Variants in MGA observed in about 807,000 individuals in gnomAD.
MGA encodes the protein MAX gene-associated protein.
In MGA, 40 loss-of-function variants were observed where a neutral mutation model predicts 261.1. That is an observed-to-expected ratio of 0.15 (90% CI 0.12 to 0.20). MGA has a LOEUF of 0.20. Ranked by LOEUF, MGA falls within the 10% of genes least tolerant of loss-of-function variation. The probability of loss-of-function intolerance (pLI) is 1.00; values close to 1 mark genes in which losing one functional copy is unlikely to be tolerated. For missense variants in MGA, 3,397 were observed against 3,630.5 expected (o/e 0.94, Z 1.65); for synonymous variants, 1,302 against 1,290.6 (o/e 1.01, Z -0.19).
rs182182526 is a variant in MGA at position 41,735,616 on chromosome 15, A to G, written c.3917-565A>G. 4.5e-4 allele frequency among the ~76,000 whole-genome samples: 68 copies of G among 152,228 alleles called. 1 individual carries two copies. The highest frequency in any genetic ancestry group is 3.9e-4 in the Admixed American group (6 of 15,290). Reference sequence around the variant, plus strand: ...ACTGGGCGTGGTGGCACGCGTCCATAATCTCAGCTACTCGGGAGGCTGAGG... The same window carrying G: ...ACTGGGCGTGGTGGCACGCGTCCATGATCTCAGCTACTCGGGAGGCTGAGG... On this transcript the variant is annotated intron_variant, in intron 12 of 23. Coordinates refer to ENST00000219905, the MANE Select transcript of MGA (RefSeq NM_001164273.2).
intron 2 of MGA, chr15:41,684,705 G>A (rs2058856081): frequency 5.8e-6 from 1 of 173,532 alleles, no homozygotes; most frequent in Non-Finnish European, 1.2e-5. Context: ...TGAGAGTTAT[G>A]TCTTGAAATG....
rs1007592948 is a variant in MGA at position 41,742,965 on chromosome 15, C to T, written c.5005C>T (p.Pro1669Ser). 1.9e-6 allele frequency: 3 copies of T among 1,613,866 alleles called. No individual in the cohort carries two copies. The highest frequency in any genetic ancestry group is 1.3e-5 in the African/African-American group (1 of 74,932). ...TACCAAAACCACTGGGATAACTACC[C>T]CTGTGGCTTCAGTTGCTTTTCCTAA... Residue 1669 changes from proline to serine, a missense_variant, in exon 15 of 24, where the codon CCT becomes TCT. Pro to Ser is a moderately conservative substitution (Grantham distance 74). Coordinates refer to ENST00000219905, the MANE Select transcript of MGA (RefSeq NM_001164273.2).
chr15:41,699,154 A>G lies in MGA; in HGVS notation c.2183A>G (p.Gln728Arg), dbSNP rs780062703. 12 of 1,598,764 alleles carry G rather than the reference A, an allele frequency of 7.5e-6. No individual in the cohort carries two copies. The highest frequency in any genetic ancestry group is 1.6e-4 in the Middle Eastern group (1 of 6,064). The change falls in exon 5 of 24, where the codon CAA becomes CGA. Residue 728 changes from glutamine (Q) to arginine (R), a missense_variant. By Grantham distance (43) the Gln-to-Arg change is conservative (BLOSUM62 1). This residue lies in a region of MGA where 19 missense variants were observed against 44.7 expected (regional missense o/e 0.43). Coordinates refer to ENST00000219905, the MANE Select transcript of MGA (RefSeq NM_001164273.2). The stretch of plus-strand genomic sequence containing the variant: ...AAGCAGGTGATACATCCTGGTCTTC[A>G]AGAAGGTAATAGACTAGCGACTTCT...
In MGA at chr15:41,660,448, G is replaced by A. The variant is rs924897912; in HGVS notation, c.-145G>A. 6.6e-6 allele frequency: 1 copy of A among 152,632 alleles called. No individual in the cohort carries two copies. The highest frequency in any genetic ancestry group is 2.4e-5 in the African/African-American group (1 of 41,454). 9.5% of individuals were successfully genotyped at this position (152,632 alleles called of 1,614,324 possible). A position where few individuals can be genotyped will look rare whatever the true frequency, so the allele number is the denominator to read the frequency against. On this transcript the variant is annotated 5_prime_UTR_variant, in exon 1 of 24. Coordinates refer to ENST00000219905, the MANE Select transcript of MGA (RefSeq NM_001164273.2). ...GGCTCTTCAGCTGGAGCGGACACAC[G>A]GTGTGCGAACCGAACAGAATAACCC...
chr15:41,626,864 T>C (rs1386724689), intron 1 of MGA, among the ~76,000 whole-genome samples: 1 of 152,150 alleles, frequency 6.6e-6, no homozygotes, highest in Non-Finnish European at 1.5e-5. Flanking sequence ...ATAATTAAAA[T>C]AATTTATTTT....
Position 41,748,733 on chromosome 15 carries a change from G to A in MGA, c.5309G>A (p.Gly1770Asp). The change falls in exon 16 of 24, where the codon GGT becomes GAT. Residue 1770 changes from glycine (G) to aspartate (D), a missense_variant. By Grantham distance (94) the Gly-to-Asp change is moderately conservative. Around this residue, in one of 9 missense-constraint regions of MGA, gnomAD observed 1,410 missense variants for 1,386.4 expected, o/e 1.02. Transcript: ENST00000219905. ...TTGTTGTTGATTCCAGTGCAGCAGG[G>A]TTCTCCTACTCTTAGACCTGTCTCA... 1 of 1,613,924 alleles carries A rather than the reference G, an allele frequency of 6.2e-7. No individual in the cohort carries two copies. Among genetic ancestry groups the A allele is most frequent in the Non-Finnish European group, 8.5e-7 (1 of 1,179,876 alleles).
At chr15:41,634,910 A>T (rs1243618178) in intron 1 of MGA, among the ~76,000 whole-genome samples, 1 of 152,188 alleles carries the variant, frequency 6.6e-6, no homozygotes, top group Non-Finnish European at 1.5e-5. Flanking sequence ...AGTGTTAATG[A>T]AAAAATAGTA....
chr15:41,621,417 G>C (rs1033631474), intron 1 of MGA: 2 of 152,242 alleles, frequency 1.3e-5, no homozygotes, highest in African/African-American at 4.8e-5. Flanking sequence ...GCGTGCGAAC[G>C]ACTCGGCGCC....
intron 1 of MGA, among the ~76,000 whole-genome samples, chr15:41,624,602 G>A (rs556126056): frequency 3.3e-5 from 5 of 151,766 alleles, no homozygotes; most frequent in Non-Finnish European, 5.9e-5. Context: ...CAAAGTGCTC[G>A]GTGGGTGGCG....
At chr15:41,706,461 A>T (rs990612079) in intron 5 of MGA, among the ~76,000 whole-genome samples, 1 of 151,918 alleles carries the variant, frequency 6.6e-6, no homozygotes, top group South Asian at 2.1e-4. Context: ...CATGGGGTTC[A>T]TAACCTACCT....
intron 1 of MGA, among the ~76,000 whole-genome samples, chr15:41,667,253 A>AT (rs556993909): frequency 2.2e-3 from 326 of 147,516 alleles, no homozygotes; most frequent in Admixed American, 4.5e-3. Context: ...ATGTATTTTT[A>AT]TTTTTTTTTT....
At chr15:41,677,319 T>G (rs1194199805) in intron 2 of MGA, among the ~76,000 whole-genome samples, 1 of 152,118 alleles carries the variant, frequency 6.6e-6, no homozygotes, top group African/African-American at 2.4e-5. Flanking sequence ...TTTTTGTATT[T>G]TTATTAGAGG....
chr15:41,689,527 C>G (rs754108644), intron 2 of MGA, among the ~76,000 whole-genome samples: 1 of 150,248 alleles, frequency 6.7e-6, no homozygotes, highest in Non-Finnish European at 1.5e-5. Context: ...TCATCTGTTT[C>G]TGGATCTGTG....
Position 41,736,663 on chromosome 15 carries a change from C to G in MGA, c.4399C>G (p.Arg1467Gly), listed in dbSNP as rs769019565. ...TGCAGGGAAGCTTGTGGCCTATAAA[C>G]GTAAACCCAGTTCAAGTACATCTGG... The change falls in exon 13 of 24, where the codon CGT (arginine) becomes GGT (glycine). Residue 1467 changes from arginine (R) to glycine (G), a missense_variant. Coordinates refer to ENST00000219905, the MANE Select transcript of MGA (RefSeq NM_001164273.2). 4 of 1,612,834 alleles carry G rather than the reference C, an allele frequency of 2.5e-6. No individual in the cohort carries two copies. Among genetic ancestry groups the G allele is most frequent in the South Asian group, 1.1e-5 (1 of 90,926 alleles).
intron 5 of MGA, among the ~76,000 whole-genome samples, chr15:41,702,945 T>C (rs79414731): frequency 1.2e-4 from 16 of 136,648 alleles, no homozygotes; most frequent in South Asian, 7.1e-4. Flanking sequence ...CTATTTTTTT[T>C]CCCCCCATTC....
chr15:41,694,601 AC>A (rs1220507968), intron 2 of MGA, among the ~76,000 whole-genome samples: 1 of 149,142 alleles, frequency 6.7e-6, no homozygotes, highest in Non-Finnish European at 1.5e-5. Context: ...ATCTCGGCTC[AC>A]TGCAAGCTCC....
intron 1 of MGA, among the ~76,000 whole-genome samples, chr15:41,667,452 G>C (rs978845299): frequency 1.4e-4 from 22 of 151,988 alleles, no homozygotes; most frequent in African/African-American, 5.3e-4. Context: ...CACCATGTTG[G>C]CCAGGCTGGT....
rs370964260 is a variant in MGA, at chr15:41,669,544, A to G, written c.650A>G (p.Gln217Arg). Reference sequence around the variant, plus strand: ...GCAGAAAAGGCTGTGGAGGTGATACAATTAAATGGCCCTGGTGTCCACACT... The same window carrying G: ...GCAGAAAAGGCTGTGGAGGTGATACGATTAAATGGCCCTGGTGTCCACACT... Residue 217 changes from glutamine to arginine, a missense_variant, in exon 2 of 24, where the codon CAA (glutamine) becomes CGA (arginine). Coordinates refer to ENST00000219905, the MANE Select transcript of MGA (RefSeq NM_001164273.2). The G allele has an allele frequency of 6.2e-7, 1 of 1,613,942 alleles. No individual in the cohort carries two copies.
chr15:41,677,993 C>T (rs1321454154), intron 2 of MGA, among the ~76,000 whole-genome samples: 2 of 152,000 alleles, frequency 1.3e-5, no homozygotes, highest in African/African-American at 4.8e-5. Flanking sequence ...CTTAAGAAAC[C>T]ATTGCCAAAT....
Sources: allele counts gnomAD v4.1 joint callset (sites outside exome capture counted in the v4.1 genomes callset), GRCh38; gene constraint gnomAD v4.1.1; regional missense constraint gnomAD v4.1.1; transcripts MANE v1.5; gene names NCBI Gene and HGNC (gene_info 2026-07-23, HGNC 2026-07-21).